The following MAF variants were observed in gnomAD, a reference collection of about 807,000 sequenced individuals.
MAF encodes MAF bZIP transcription factor, also known as transcription factor Maf.
Under a neutral mutation model 22.0 loss-of-function variants are expected in MAF, and 10 were observed. The ratio of observed to expected loss-of-function variants is 0.45; its 90% CI spans 0.28 to 0.77. The LOEUF (loss-of-function observed/expected upper bound fraction) is 0.77. Ranked by LOEUF, MAF falls within the 30% of genes least tolerant of loss-of-function variation. The pLI, the probability that MAF is intolerant of heterozygous loss-of-function variation, is 0.12. For missense variants in MAF, 544 were observed against 548.4 expected (o/e 0.99, Z 0.08); for synonymous variants, 337 against 255.8 (o/e 1.32, Z -3.03).
the MAF span, among the ~76,000 whole-genome samples, chr16:79,244,700 A>G: frequency 6.6e-6 from 1 of 152,080 alleles, no homozygotes; most frequent in African/African-American, 2.4e-5. Flanking sequence ...CTTTCTTCAC[A>G]GAATTAGAAA....
the MAF span, among the ~76,000 whole-genome samples, chr16:79,363,869 T>C: frequency 1.3e-3 from 199 of 152,242 alleles, 1 homozygote; most frequent in Non-Finnish European, 2.4e-3. Flanking sequence ...GTGTGATCTA[T>C]GTTGGATGGC....
At chr16:79,330,472 T>C in the MAF span, among the ~76,000 whole-genome samples, 1 of 152,166 alleles carries the variant, frequency 6.6e-6, no homozygotes, top group Non-Finnish European at 1.5e-5. Context: ...GTGAGAGCCG[T>C]ACAGGAATGC....
At chr16:79,552,198 T>G in the MAF span, among the ~76,000 whole-genome samples, 1 of 149,618 alleles carries the variant, frequency 6.7e-6, no homozygotes, top group Non-Finnish European at 1.5e-5. Flanking sequence ...CTTCTGAACC[T>G]TGGCATCTGC....
the MAF span, among the ~76,000 whole-genome samples, chr16:79,373,359 C>CTTTTTTTTT: frequency 1.0e-3 from 34 of 33,326 alleles, 13 homozygotes; most frequent in Non-Finnish European, 1.8e-3. Flanking sequence ...GGACTGGTAG[C>CTTTTTTTTT]TTTTTTTTTT....
chr16:79,309,539 A>G, the MAF span, among the ~76,000 whole-genome samples: 1 of 152,234 alleles, frequency 6.6e-6, no homozygotes, highest in African/African-American at 2.4e-5. Context: ...ATTACAGAGC[A>G]CGAATATTTT....
At chr16:79,242,016 C>T in the MAF span, among the ~76,000 whole-genome samples, 12 of 151,974 alleles carry the variant, frequency 7.9e-5, no homozygotes, top group African/African-American at 2.9e-4. Flanking sequence ...ACCACCAGGC[C>T]TGCCTTACAA....
the MAF span, among the ~76,000 whole-genome samples, chr16:79,550,279 G>A: frequency 1.3e-5 from 2 of 152,078 alleles, no homozygotes; most frequent in Non-Finnish European, 2.9e-5. Context: ...AGTAGATAAT[G>A]AAGATCTTCA....
the MAF span, among the ~76,000 whole-genome samples, chr16:79,249,325 A>C: frequency 6.6e-6 from 1 of 151,952 alleles, no homozygotes; most frequent in East Asian, 1.9e-4. Context: ...AGGCTGAGGC[A>C]AGAGAACCAC....
At chr16:79,555,588 A>T in the MAF span, among the ~76,000 whole-genome samples, 538 of 152,296 alleles carry the variant, frequency 3.5e-3, 5 homozygotes, top group African/African-American at 0.012. Context: ...GGTATCCCTA[A>T]TCCAAAAATT....
At chr16:79,458,717 T>C in the MAF span, among the ~76,000 whole-genome samples, 5 of 152,224 alleles carry the variant, frequency 3.3e-5, no homozygotes, top group African/African-American at 1.2e-4. Flanking sequence ...GGTTGTTTGT[T>C]GTTACGTTTA....
At chr16:79,251,803 T>C in the MAF span, among the ~76,000 whole-genome samples, 2 of 152,234 alleles carry the variant, frequency 1.3e-5, no homozygotes, top group Non-Finnish European at 2.9e-5. Context: ...AGGTATCTAT[T>C]CTCCGATTTG....
chr16:79,243,295 G>GT, the MAF span, among the ~76,000 whole-genome samples: 2 of 151,322 alleles, frequency 1.3e-5, no homozygotes, highest in East Asian at 3.9e-4. Flanking sequence ...TTTTATTTTT[G>GT]TTTTTTAAAA....
the MAF span, among the ~76,000 whole-genome samples, chr16:79,232,384 T>C: frequency 7.2e-5 from 11 of 152,120 alleles, 1 homozygote; most frequent in Admixed American, 5.9e-4. Flanking sequence ...ATTTTCATGT[T>C]ATTGATACGA....
chr16:79,598,078 G>A, intron 1 of MAF: 1 of 1,042,412 alleles, frequency 9.6e-7, no homozygotes, highest in Non-Finnish European at 1.2e-6. Context: ...AACTCGGCAC[G>A]CTGCAAGTCT....
the MAF span, among the ~76,000 whole-genome samples, chr16:79,562,946 C>G: frequency 6.6e-6 from 1 of 152,284 alleles, no homozygotes; most frequent in South Asian, 2.1e-4. Flanking sequence ...AAGCAAAAAT[C>G]CTTCAGGCCT....
chr16:79,574,097 T>C, the MAF span, among the ~76,000 whole-genome samples: 476 of 152,158 alleles, frequency 3.1e-3, 5 homozygotes, highest in African/African-American at 0.011. Context: ...GCTCACAGAG[T>C]TTAGCGTCCA....
chr16:79,552,386 T>A, the MAF span, among the ~76,000 whole-genome samples: 2 of 152,086 alleles, frequency 1.3e-5, no homozygotes, highest in African/African-American at 4.8e-5. Flanking sequence ...TGTTTATTTG[T>A]TCTGTAGAGA....
At chr16:79,456,066 TC>T in the MAF span, among the ~76,000 whole-genome samples, 1 of 152,108 alleles carries the variant, frequency 6.6e-6, no homozygotes. Flanking sequence ...ATGTGGACAT[TC>T]CTTTGGTGAA....
At chr16:79,398,605 G>A in the MAF span, among the ~76,000 whole-genome samples, 7 of 152,224 alleles carry the variant, frequency 4.6e-5, no homozygotes, top group East Asian at 5.8e-4. Flanking sequence ...CAGGCTTGTG[G>A]CTGAATTCTG....
Sources: gnomAD v4.1 joint callset for allele counts (sites outside exome capture counted in the v4.1 genomes callset) on GRCh38, gnomAD v4.1.1 for gene constraint, MANE v1.5 for transcripts, NCBI Gene and HGNC (gene_info 2026-07-23, HGNC 2026-07-21) for gene names.